Variants in KIF13A observed in about 807,000 individuals in gnomAD.
KIF13A encodes kinesin-like protein KIF13A.
In KIF13A, 79 loss-of-function variants were observed where a neutral mutation model predicts 212.2. The ratio of observed to expected loss-of-function variants is 0.37; its 90% CI spans 0.31 to 0.45. The LOEUF is 0.45. Among genes scored for constraint, KIF13A ranks in the 20% least tolerant of loss-of-function variants. The pLI, the probability that KIF13A is intolerant of heterozygous loss-of-function variation, is 1.00. For missense variants in KIF13A, 1,901 were observed against 2,209.0 expected, an observed-to-expected ratio of 0.86 and a Z score of 2.79; for synonymous variants, 789 against 808.6, an observed-to-expected ratio of 0.98 and a Z score of 0.41.
At chr6:17,986,720 G>T (rs1172706039) in intron 2 of KIF13A, among the ~76,000 whole-genome samples, 1 of 152,206 alleles carries the variant, frequency 6.6e-6, no homozygotes, top group Admixed American at 6.5e-5. Flanking sequence ...CCCGCCTCGG[G>T]CCTCAGTTTT....
At chr6:17,970,560 C>T (rs1280963728) in intron 2 of KIF13A, among the ~76,000 whole-genome samples, 1 of 152,158 alleles carries the variant, frequency 6.6e-6, no homozygotes, top group African/African-American at 2.4e-5. Flanking sequence ...GCTTCAATTA[C>T]CAGGTAGTTT....
intron 25 of KIF13A, among the ~76,000 whole-genome samples, chr6:17,792,769 A>G (rs1761703903): frequency 6.6e-6 from 1 of 152,200 alleles, no homozygotes; most frequent in Non-Finnish European, 1.5e-5. Flanking sequence ...TGACAAAGCT[A>G]TTACTGCCTT....
Position 17,852,083 on chromosome 6 carries a change from AG to A in KIF13A, c.495-42del, listed in dbSNP as rs781766484. 9.2e-6 allele frequency: 10 copies of A among 1,091,402 alleles called. 1 individual carries two copies. In the Admixed American group the frequency reaches 3.3e-4, roughly 36 times the overall value. The allele number at this position is 1,091,402 out of a possible 1,614,324, so 67.6% of individuals were successfully genotyped here. A position where few individuals can be genotyped will look rare whatever the true frequency, so the allele number is the denominator to read the frequency against. On this transcript the variant is annotated intron_variant, in intron 6 of 38. Transcript: ENST00000259711. ...AAAAGGAATAAATGAATCACACCAA[AG>A]CTGGAAGCTTTTCTTTCTCTTTAAG...
intron 25 of KIF13A, among the ~76,000 whole-genome samples, chr6:17,793,783 G>A (rs1439846986): frequency 6.6e-6 from 1 of 151,952 alleles, no homozygotes; most frequent in Admixed American, 6.6e-5. Flanking sequence ...GCGTGGTGAT[G>A]TGTGCTTGTA....
intron 2 of KIF13A, among the ~76,000 whole-genome samples, chr6:17,946,317 T>C (rs1561791229): frequency 6.6e-6 from 1 of 151,940 alleles, no homozygotes; most frequent in Non-Finnish European, 1.5e-5. Context: ...TCAGAACTTC[T>C]AATAATCAGA....
At chr6:17,985,845 T>G (rs1781510568) in intron 2 of KIF13A, among the ~76,000 whole-genome samples, 1 of 152,200 alleles carries the variant, frequency 6.6e-6, no homozygotes, top group Admixed American at 6.5e-5. Flanking sequence ...CACAACATTT[T>G]ACATATAGCT....
intron 32 of KIF13A, among the ~76,000 whole-genome samples, chr6:17,779,360 C>T (rs1760315453): frequency 6.7e-6 from 1 of 148,996 alleles, no homozygotes; most frequent in South Asian, 2.1e-4. Flanking sequence ...CAACCTCTGC[C>T]TCCCAGGTTC....
rs1772876849 is a variant in KIF13A at position 17,899,543 on chromosome 6, G to C, written c.147-1363C>G. Among the ~76,000 whole-genome samples the C allele has an allele frequency of 6.6e-6, 1 of 152,184 alleles. No individual in the cohort carries two copies. Among genetic ancestry groups the C allele is most frequent in the Admixed American group, 6.5e-5 (1 of 15,280 alleles). ...AGGGAAAAAAAATGTCCAATCACAT[G>C]CATAATTCTACGCTTTCGAGTGCAG... On this transcript the variant is annotated intron_variant, in intron 2 of 38. Coordinates refer to ENST00000259711, the MANE Select transcript of KIF13A (RefSeq NM_022113.6). This position sits in a 1 kb window ranked among gnomAD's most constrained non-coding sequence, Gnocchi z 5.2.
At chr6:17,867,790 G>A (rs947269193) in intron 4 of KIF13A, among the ~76,000 whole-genome samples, 1 of 152,210 alleles carries the variant, frequency 6.6e-6, no homozygotes, top group Non-Finnish European at 1.5e-5. Flanking sequence ...GCTACTGTTG[G>A]CTTTTAGAAT....
chr6:17,976,644 C>T (rs1399113390), intron 2 of KIF13A, among the ~76,000 whole-genome samples: 2 of 152,210 alleles, frequency 1.3e-5, no homozygotes, highest in Non-Finnish European at 2.9e-5. Context: ...CACAGTGCAG[C>T]GGTGGGCTGA....
chr6:17,960,910 G>A (rs935420289), intron 2 of KIF13A, among the ~76,000 whole-genome samples: 3 of 152,146 alleles, frequency 2.0e-5, no homozygotes, highest in Non-Finnish European at 4.4e-5. Flanking sequence ...TTTTGAGCAC[G>A]AATTGAGTAC....
chr6:17,908,965 C>T (rs962509701), intron 2 of KIF13A, among the ~76,000 whole-genome samples: 4 of 152,244 alleles, frequency 2.6e-5, no homozygotes, highest in African/African-American at 7.2e-5. Flanking sequence ...TTTACTCAAC[C>T]GCTGAGTCTC....
At chr6:17,974,665 A>G (rs1404154505) in intron 2 of KIF13A, among the ~76,000 whole-genome samples, 1 of 152,104 alleles carries the variant, frequency 6.6e-6, no homozygotes, top group Non-Finnish European at 1.5e-5. Context: ...GCTTTTTTAA[A>G]AAAAATCCTA....
intron 3 of KIF13A, among the ~76,000 whole-genome samples, chr6:17,877,144 CAA>C (rs35738402): frequency 0.022 from 2,198 of 97,886 alleles, 15 homozygotes; most frequent in African/African-American, 0.052. Context: ...TCTCTCTTGC[CAA>C]AAAAAAAAAA....
In KIF13A at chr6:17,785,558, C is replaced by G; in HGVS notation, c.3445G>C (p.Val1149Leu). The change falls in exon 28 of 39, where the codon GTG becomes CTG. Residue 1149 changes from valine (V) to leucine (L), a missense_variant. By Grantham distance (32) the Val-to-Leu change is conservative. Transcript: ENST00000259711. The surrounding 1 kb of genome is among the most constrained non-coding windows in gnomAD (Gnocchi z 5.8). ...GGAATCCCACTGCCTGGGGCTGGCACCAGCACAGCATTCCTTTCCTCAGTC... is the reference window on the plus strand; with the variant it reads ...GGAATCCCACTGCCTGGGGCTGGCAGCAGCACAGCATTCCTTTCCTCAGTC... ...GLTEERNAVL[V>L]PAPGSGIPGA... 6.2e-7 allele frequency: 1 copy of G among 1,600,002 alleles called. No homozygotes were observed. Among genetic ancestry groups the G allele is most frequent in the South Asian group, 1.1e-5 (1 of 88,108 alleles).
chr6:17,766,754 A>AG (rs1037108133), intron 38 of KIF13A, among the ~76,000 whole-genome samples: 1 of 151,890 alleles, frequency 6.6e-6, no homozygotes, highest in Admixed American at 6.6e-5. Flanking sequence ...CGAGGTGGGG[A>AG]GGGGGGATTT....
At chr6:17,976,978 T>G (rs1433384780) in intron 2 of KIF13A, among the ~76,000 whole-genome samples, 2 of 151,786 alleles carry the variant, frequency 1.3e-5, no homozygotes, top group Non-Finnish European at 2.9e-5. Context: ...GGCGGGCGCC[T>G]GTAGTACCAG....
chr6:17,792,862 T>C (rs759460995), intron 25 of KIF13A, among the ~76,000 whole-genome samples: 5 of 152,174 alleles, frequency 3.3e-5, no homozygotes, highest in Non-Finnish European at 7.4e-5. Context: ...GAAACTAAGA[T>C]AGAAGAGAAA....
chr6:17,867,207 A>G (rs1182484464), intron 4 of KIF13A, among the ~76,000 whole-genome samples: 1 of 152,176 alleles, frequency 6.6e-6, no homozygotes, highest in Non-Finnish European at 1.5e-5. Context: ...TGCTGATTCT[A>G]AGAAAACTCT....
Sources: gnomAD v4.1 joint callset for allele counts (sites outside exome capture counted in the v4.1 genomes callset) on GRCh38, gnomAD v4.1.1 for gene constraint, Gnocchi (gnomAD v3.1) non-coding constraint, MANE v1.5 for transcripts, NCBI Gene and HGNC (gene_info 2026-07-23, HGNC 2026-07-21) for gene names.